Variants in DLG2 observed in about 807,000 individuals in gnomAD.
DLG2 encodes the protein discs large MAGUK scaffold protein 2, also known as disks large homolog 2.
Under a neutral mutation model 132.5 loss-of-function variants are expected in DLG2, and 45 were observed. The ratio of observed to expected loss-of-function variants is 0.34; its 90% CI spans 0.27 to 0.44. The LOEUF (loss-of-function observed/expected upper bound fraction) is 0.44, where lower values mean the gene tolerates loss of function less well. Ranked by LOEUF, DLG2 falls within the 20% of genes least tolerant of loss-of-function variation. The probability of loss-of-function intolerance (pLI) is 1.00; values close to 1 mark genes in which losing one functional copy is unlikely to be tolerated. For synonymous variants in DLG2, 424 were observed against 419.6 expected, an observed-to-expected ratio of 1.01 and a Z score of -0.13; for missense variants, 1,045 against 1,196.9, an observed-to-expected ratio of 0.87 and a Z score of 1.87.
intron 10 of DLG2, among the ~76,000 whole-genome samples, chr11:84,074,677 G>C (rs991622590): frequency 1.1e-4 from 17 of 151,602 alleles, no homozygotes; most frequent in African/African-American, 1.9e-4. Context: ...TATAGGCGCC[G>C]GCCACCACGC....
chr11:83,491,405 G>A (rs1591756942), intron 21 of DLG2, among the ~76,000 whole-genome samples: 1 of 151,946 alleles, frequency 6.6e-6, no homozygotes, highest in East Asian at 1.9e-4. Flanking sequence ...CTTTGCTTAG[G>A]AAGAAATCAA....
chr11:84,051,475 GGACATGGATGAA>G (rs1376972516), intron 11 of DLG2, among the ~76,000 whole-genome samples: 1 of 151,740 alleles, frequency 6.6e-6, no homozygotes, highest in Non-Finnish European at 1.5e-5. Context: ...TCCTTTGTAG[GGACATGGATGAA>G]GCTGGAAACC....
intron 14 of DLG2, among the ~76,000 whole-genome samples, chr11:83,946,027 T>C (rs1002136372): frequency 2.1e-5 from 3 of 145,506 alleles, no homozygotes; most frequent in African/African-American, 7.8e-5. Context: ...TCTCAGTCTG[T>C]CTCCCAGGCT....
At chr11:83,643,308 T>G (rs1256430255) in intron 18 of DLG2, among the ~76,000 whole-genome samples, 1 of 152,100 alleles carries the variant, frequency 6.6e-6, no homozygotes, top group Non-Finnish European at 1.5e-5. Context: ...TGAAACTCTG[T>G]GGGGGAAAAT....
intron 18 of DLG2, among the ~76,000 whole-genome samples, chr11:83,694,091 T>C (rs996047996): frequency 6.6e-6 from 1 of 152,204 alleles, no homozygotes; most frequent in African/African-American, 2.4e-5. Flanking sequence ...TTGAGAGCTA[T>C]TGAAACTGAG....
At chr11:84,816,235 G>C (rs1315596293) in intron 6 of DLG2, among the ~76,000 whole-genome samples, 1 of 152,002 alleles carries the variant, frequency 6.6e-6, no homozygotes, top group African/African-American at 2.4e-5. Flanking sequence ...GTTGTAGACA[G>C]AGTAGGGGCT....
chr11:84,269,224 C>A (rs1161720787), intron 7 of DLG2, among the ~76,000 whole-genome samples: 1 of 152,176 alleles, frequency 6.6e-6, no homozygotes, highest in Non-Finnish European at 1.5e-5. Context: ...TAAATACCCC[C>A]AGGGCAAGGT....
intron 8 of DLG2, among the ~76,000 whole-genome samples, chr11:84,241,257 GAAAGATA>G (rs1423195738): frequency 6.6e-6 from 1 of 152,168 alleles, no homozygotes; most frequent in Admixed American, 6.5e-5. Flanking sequence ...ATAACTGTGG[GAAAGATA>G]AAGCAATATT....
At chr11:85,471,077 GT>G (rs2092969521) in intron 3 of DLG2, among the ~76,000 whole-genome samples, 1 of 152,176 alleles carries the variant, frequency 6.6e-6, no homozygotes. Flanking sequence ...GATGGCAGAT[GT>G]TTAAACTATC....
At position 85,431,313 on chromosome 11, in the gene DLG2, G is replaced by A. The variant is rs530385701; in HGVS notation, c.41-145948C>T. ...AGTGGACCACCTGAGAGCCACATGGGACAGGGGAGCCCCCACCCCCAGCCA... is the reference window on the plus strand; with the variant it reads ...AGTGGACCACCTGAGAGCCACATGGAACAGGGGAGCCCCCACCCCCAGCCA... On this transcript the variant is annotated intron_variant, in intron 3 of 27. Transcript: ENST00000376104. Among the ~76,000 whole-genome samples the A allele has an allele frequency of 1.8e-4, 27 of 152,244 alleles. No homozygotes were observed. In the East Asian group the frequency reaches 5.0e-3, roughly 28 times the overall value.
intron 7 of DLG2, among the ~76,000 whole-genome samples, chr11:84,324,995 A>G (rs1333615260): frequency 3.3e-5 from 5 of 151,896 alleles, no homozygotes; most frequent in African/African-American, 4.8e-5. Context: ...TTCCTTTCCA[A>G]TTGAGGTTTC....
chr11:85,342,646 G>A (rs547668416), intron 3 of DLG2, among the ~76,000 whole-genome samples: 4 of 152,206 alleles, frequency 2.6e-5, no homozygotes, highest in South Asian at 2.1e-4. Context: ...CAAGTATTAC[G>A]TGCTGTGCAT....
In DLG2 at chr11:83,455,681, TC is replaced by T. The variant is rs1315001637; in HGVS notation, c.*4136del. ...ACAGACTTGAGTGTGTGTGTGTGTT[TC>T]CAACCACAGTCATTCATACTCAATG... On this transcript the variant is annotated 3_prime_UTR_variant, in exon 28 of 28. Transcript: ENST00000376104. 1 of 152,612 alleles carries T rather than the reference TC, an allele frequency of 6.6e-6. No individual in the cohort carries two copies. Among genetic ancestry groups the T allele is most frequent in the Non-Finnish European group, 1.5e-5 (1 of 68,050 alleles). The allele number at this position is 152,612 out of a possible 1,614,324, so 9.5% of individuals were successfully genotyped here. A position where few individuals can be genotyped will look rare whatever the true frequency, so the allele number is the denominator to read the frequency against.
At chr11:84,967,682 T>TA (rs927970564) in intron 6 of DLG2, among the ~76,000 whole-genome samples, 1 of 152,098 alleles carries the variant, frequency 6.6e-6, no homozygotes, top group Non-Finnish European at 1.5e-5. Context: ...ATAATTAAGA[T>TA]AAAAAACTGA....
At chr11:84,401,590 A>G (rs1188488457) in intron 7 of DLG2, among the ~76,000 whole-genome samples, 1 of 152,110 alleles carries the variant, frequency 6.6e-6, no homozygotes, top group Non-Finnish European at 1.5e-5. Flanking sequence ...TTAGTACTCA[A>G]TGTAAATATC....
chr11:85,130,305 T>A (rs1027956709), intron 5 of DLG2, among the ~76,000 whole-genome samples: 6 of 152,216 alleles, frequency 3.9e-5, no homozygotes, highest in African/African-American at 1.4e-4. Context: ...CTCATTAATC[T>A]TCTTACAATC....
intron 2 of DLG2, among the ~76,000 whole-genome samples, chr11:85,602,723 C>T (rs2080255321): frequency 6.6e-6 from 1 of 152,190 alleles, no homozygotes; most frequent in South Asian, 2.1e-4. Context: ...AGGCCCACCT[C>T]TCTGACTTCA....
chr11:84,153,012 C>G (rs1041654785), intron 9 of DLG2, among the ~76,000 whole-genome samples: 2 of 152,180 alleles, frequency 1.3e-5, no homozygotes, highest in South Asian at 4.1e-4. Context: ...AGAACTCCCT[C>G]AAGGACCTCT....
At chr11:84,323,735 T>A (rs921491553) in intron 7 of DLG2, among the ~76,000 whole-genome samples, 1 of 149,594 alleles carries the variant, frequency 6.7e-6, no homozygotes, top group African/African-American at 2.4e-5. Context: ...TTTTTTTTTT[T>A]TTTTTGATAA....
Sources: allele counts gnomAD v4.1 joint callset (sites outside exome capture counted in the v4.1 genomes callset), GRCh38; gene constraint gnomAD v4.1.1; transcripts MANE v1.5; gene names NCBI Gene and HGNC (gene_info 2026-07-23, HGNC 2026-07-21).